C1QTNF5: variants seen among roughly 807,000 people sequenced by gnomAD.
The protein encoded by C1QTNF5 is complement C1q tumor necrosis factor-related protein 5.
In C1QTNF5, 5 loss-of-function variants were observed where a neutral mutation model predicts 10.9. The observed-to-expected ratio is 0.46, with a 90% CI of 0.24 to 0.97. The LOEUF (loss-of-function observed/expected upper bound fraction) is 0.97, where lower values mean the gene tolerates loss of function less well. Ranked by LOEUF, C1QTNF5 falls within the 50% of genes least tolerant of loss-of-function variation. The probability of loss-of-function intolerance (pLI) is 0.19; values close to 1 mark genes in which losing one functional copy is unlikely to be tolerated. For missense variants in C1QTNF5, 281 were observed against 339.4 expected (o/e 0.83, Z 1.35); for synonymous variants, 161 against 156.5 (o/e 1.03, Z -0.22).
chr11:119,343,839 TG>T (rs1289609289), upstream of C1QTNF5: 1 of 1,613,818 alleles, frequency 6.2e-7, no homozygotes, highest in Non-Finnish European at 8.5e-7. Context: ...TGAAGGCCCC[TG>T]AGCTGCTGGT....
upstream of C1QTNF5, chr11:119,344,602 G>T: frequency 4.3e-6 from 7 of 1,613,798 alleles, no homozygotes; most frequent in Non-Finnish European, 5.1e-6. Flanking sequence ...TCAGACGCCT[G>T]AAGAGAGGAC....
chr11:119,345,626 TCC>T, upstream of C1QTNF5: 2 of 1,613,626 alleles, frequency 1.2e-6, no homozygotes, highest in Non-Finnish European at 1.7e-6. Context: ...AGAGGAGGCC[TCC>T]ACAGGCTGCA....
Position 119,339,785 on chromosome 11 carries a change from C to T in C1QTNF5, c.278G>A (p.Gly93Glu). 6.6e-7 allele frequency: 1 copy of T among 1,514,526 alleles called. No individual in the cohort carries two copies. The highest frequency in any genetic ancestry group is 8.8e-7 in the Non-Finnish European group (1 of 1,135,640). The allele number at this position is 1,514,526 out of a possible 1,614,324, so 93.8% of individuals were successfully genotyped here. The part of the protein sequence containing the change: ...RGEAGPAGPT[G>E]PAGECSVPPR... ...AGGCACCGAGCACTCCCCGGCAGGC[C>T]CGGTGGGCCCCGCGGGTCCCGCCTC... is the stretch of plus-strand genomic sequence containing the variant. The change falls in exon 3 of 3, where the codon GGG (glycine) becomes GAG (glutamate). Residue 93 changes from glycine (G) to glutamate (E), a missense_variant. By Grantham distance (98) the Gly-to-Glu change is moderately conservative. Coordinates refer to ENST00000528368, the MANE Select transcript of C1QTNF5 (RefSeq NM_001278431.2). This position sits in a 1 kb window ranked among gnomAD's most constrained non-coding sequence, Gnocchi z 5.4.
upstream of C1QTNF5, chr11:119,345,544 G>A (rs1410540801): frequency 2.5e-6 from 4 of 1,613,986 alleles, no homozygotes; most frequent in Non-Finnish European, 3.4e-6. Context: ...ACCTGGATAT[G>A]CCACACGCAG....
upstream of C1QTNF5, chr11:119,342,937 C>T: frequency 6.2e-7 from 1 of 1,612,580 alleles, no homozygotes; most frequent in Non-Finnish European, 8.5e-7. Flanking sequence ...CATGATCTGT[C>T]CTAAACAGCA....
upstream of C1QTNF5, chr11:119,345,526 C>T (rs1591306399): frequency 6.2e-7 from 1 of 1,614,096 alleles, no homozygotes; most frequent in East Asian, 2.2e-5. Context: ...ATTGCATGGT[C>T]TGTGGCCACC....
upstream of C1QTNF5, chr11:119,341,914 G>A (rs758093277): frequency 3.0e-5 from 49 of 1,613,898 alleles, 1 homozygote; most frequent in Admixed American, 5.0e-5. Context: ...CCACCCAGAT[G>A]TTAGGGAAGG....
upstream of C1QTNF5, chr11:119,344,929 G>A (rs755801900): frequency 1.4e-5 from 23 of 1,611,422 alleles, no homozygotes; most frequent in South Asian, 2.4e-4. Context: ...CTTCCACACT[G>A]CTGTCAGAGA....
upstream of C1QTNF5, chr11:119,345,876 T>C: frequency 6.2e-7 from 1 of 1,613,454 alleles, no homozygotes; most frequent in Non-Finnish European, 8.5e-7. Flanking sequence ...TGGTAAGGCC[T>C]CCGGCAGGCA....
upstream of C1QTNF5, chr11:119,345,088 T>C: frequency 6.6e-7 from 1 of 1,525,464 alleles, no homozygotes; most frequent in South Asian, 1.2e-5. Flanking sequence ...TGCAGTCCTA[T>C]TTTCTCAACC....
At chr11:119,341,529 G>A (rs772590953), upstream of C1QTNF5, 2 of 1,602,036 alleles carry the variant, frequency 1.2e-6, no homozygotes, top group Admixed American at 1.7e-5. Context: ...CAGGAAGAGG[G>A]CAGGGGCCGG....
At chr11:119,345,834 A>G, upstream of C1QTNF5, 1 of 1,613,622 alleles carries the variant, frequency 6.2e-7, no homozygotes, top group Non-Finnish European at 8.5e-7. Flanking sequence ...CAGCTGCCTG[A>G]GAGGTGGTGA....
the C1QTNF5 span, chr11:119,346,265 T>A: frequency 6.2e-7 from 1 of 1,609,636 alleles, no homozygotes; most frequent in Non-Finnish European, 8.5e-7. Context: ...CCCCCTGGGA[T>A]GGTTACCATG....
chr11:119,346,189 C>G, the C1QTNF5 span: 1 of 1,570,428 alleles, frequency 6.4e-7, no homozygotes, highest in South Asian at 1.2e-5. Flanking sequence ...GTTTTGAAAG[C>G]CCCTTCTGTT....
chr11:119,345,656 T>C (rs755098598), upstream of C1QTNF5: 1 of 1,613,152 alleles, frequency 6.2e-7, no homozygotes, highest in Non-Finnish European at 8.5e-7. Context: ...AGGTTAGAGT[T>C]CAGAGGTCAA....
upstream of C1QTNF5, chr11:119,345,096 A>C: frequency 6.7e-7 from 1 of 1,498,562 alleles, no homozygotes; most frequent in Non-Finnish European, 9.0e-7. Flanking sequence ...TATTTTCTCA[A>C]CCCCCAAACT....
Position 119,339,479 on chromosome 11 carries a change from G to T in C1QTNF5, c.584C>A (p.Ala195Asp). 6.2e-7 allele frequency: 1 copy of T among 1,613,314 alleles called. No individual in the cohort carries two copies. Among genetic ancestry groups the T allele is most frequent in the Non-Finnish European group, 8.5e-7 (1 of 1,179,768 alleles). ...GTCCTCAGGCTCCAGCCTCACCATGGCCCCCCCCGAGAGCGAGGCTGGCTT... is the reference window on the plus strand; with the variant it reads ...GTCCTCAGGCTCCAGCCTCACCATGTCCCCCCCCGAGAGCGAGGCTGGCTT... ...WPKPASLSGGAMVRLEPEDQV... is the reference protein window; with the variant it reads ...WPKPASLSGGDMVRLEPEDQV... Residue 195 changes from alanine (A) to aspartate (D), a missense_variant, in exon 3 of 3, where the codon GCC (alanine) becomes GAC (aspartate). By Grantham distance (126) the Ala-to-Asp change is moderately radical. Transcript: ENST00000528368. This position sits in a 1 kb window ranked among gnomAD's most constrained non-coding sequence, Gnocchi z 5.4.
chr11:119,345,307 T>G (rs1591306128), upstream of C1QTNF5: 1 of 1,103,224 alleles, frequency 9.1e-7, no homozygotes, highest in Non-Finnish European at 1.4e-6. Flanking sequence ...GGCCCAGAGG[T>G]CTAGTCTCTC....
At chr11:119,342,088 G>A, upstream of C1QTNF5, 2 of 1,437,684 alleles carry the variant, frequency 1.4e-6, no homozygotes, top group South Asian at 1.2e-5. Flanking sequence ...GGGTCCAATG[G>A]GGGTGGTTGT....
Sources: gnomAD v4.1 joint callset for allele counts on GRCh38, gnomAD v4.1.1 for gene constraint, Gnocchi (gnomAD v3.1) non-coding constraint, MANE v1.5 for transcripts, NCBI Gene and HGNC (gene_info 2026-07-23, HGNC 2026-07-21) for gene names.